SPAG16: variants seen among roughly 807,000 people sequenced by gnomAD.
SPAG16 encodes the protein sperm associated antigen 16.
A neutral mutation model predicts 80.4 loss-of-function variants in SPAG16; 86 were observed. The observed-to-expected ratio is 1.07, with a 90% confidence interval of 0.90 to 1.28. SPAG16 has a LOEUF of 1.28. Among genes scored for constraint, SPAG16 ranks in the 50% most tolerant of loss-of-function variants. The pLI is 0.00. For missense variants in SPAG16, 870 were observed against 765.3 expected, an observed-to-expected ratio of 1.14 and a Z score of -1.61; for synonymous variants, 294 against 265.9, an observed-to-expected ratio of 1.11 and a Z score of -1.03.
chr2:213,415,263 T>C (rs985798725), intron 9 of SPAG16, among the ~76,000 whole-genome samples: 4 of 152,226 alleles, frequency 2.6e-5, no homozygotes, highest in Non-Finnish European at 4.4e-5. Flanking sequence ...CAGGGAAGCA[T>C]GCAAGGAGCA....
At chr2:213,649,800 C>T (rs568452742) in intron 10 of SPAG16, among the ~76,000 whole-genome samples, 4 of 152,108 alleles carry the variant, frequency 2.6e-5, no homozygotes, top group East Asian at 3.9e-4. Flanking sequence ...AGGCTGGTCA[C>T]GAACTCCTGC....
chr2:214,141,659 T>C (rs2055366974), intron 14 of SPAG16, among the ~76,000 whole-genome samples: 2 of 152,164 alleles, frequency 1.3e-5, no homozygotes, highest in African/African-American at 4.8e-5. Context: ...GATATTTAAC[T>C]AAAGCATAGA....
chr2:214,353,302 T>G (rs1698548882), intron 15 of SPAG16, among the ~76,000 whole-genome samples: 1 of 151,818 alleles, frequency 6.6e-6, no homozygotes, highest in Admixed American at 6.6e-5. Flanking sequence ...GGAAAAAAAA[T>G]CGACAGTGAT....
At chr2:214,112,298 G>T (rs2053705644) in intron 14 of SPAG16, among the ~76,000 whole-genome samples, 1 of 152,168 alleles carries the variant, frequency 6.6e-6, no homozygotes, top group South Asian at 2.1e-4. Context: ...TTGATTTGGG[G>T]TGGAGAGTTC....
At chr2:213,999,272 T>A (rs1051651480) in intron 12 of SPAG16, among the ~76,000 whole-genome samples, 2 of 152,198 alleles carry the variant, frequency 1.3e-5, no homozygotes, top group African/African-American at 4.8e-5. Flanking sequence ...CTTTTTGCCC[T>A]GCATCCCAGA....
intron 10 of SPAG16, among the ~76,000 whole-genome samples, chr2:213,588,719 G>A (rs1229198770): frequency 2.1e-5 from 3 of 143,652 alleles, no homozygotes; most frequent in Non-Finnish European, 3.0e-5. Context: ...GGAGAATGGC[G>A]TGAACCCGGG....
At chr2:213,335,192 C>G (rs1414919086) in intron 5 of SPAG16, among the ~76,000 whole-genome samples, 1 of 152,064 alleles carries the variant, frequency 6.6e-6, no homozygotes, top group Non-Finnish European at 1.5e-5. Flanking sequence ...ATGCAAATAA[C>G]AAGACAATTC....
At position 213,575,021 on chromosome 2, in the gene SPAG16, T is replaced by C. The variant is rs10211622; in HGVS notation, c.1070+84931T>C. Among the ~76,000 whole-genome samples, 705 of 152,246 alleles carry C rather than the reference T, an allele frequency of 4.6e-3. 5 individuals carry two copies. The highest frequency in any genetic ancestry group is 0.016 in the African/African-American group (665 of 41,558). ...TCTACTTCTTATTTGTCCTGAAATCTTTCTGCATTGCACCTAACTGGTGAA... is the reference window on the plus strand; with the variant it reads ...TCTACTTCTTATTTGTCCTGAAATCCTTCTGCATTGCACCTAACTGGTGAA... On this transcript the variant is annotated intron_variant, in intron 10 of 15. Coordinates refer to ENST00000331683, the MANE Select transcript of SPAG16 (RefSeq NM_024532.5).
intron 10 of SPAG16, among the ~76,000 whole-genome samples, chr2:213,566,681 C>A (rs1384877221): frequency 6.6e-6 from 1 of 152,268 alleles, no homozygotes; most frequent in South Asian, 2.1e-4. Context: ...ATTTTTGCAA[C>A]ATCTGCATAA....
intron 11 of SPAG16, among the ~76,000 whole-genome samples, chr2:213,888,858 C>G (rs1423413863): frequency 6.6e-6 from 1 of 151,872 alleles, no homozygotes; most frequent in African/African-American, 2.4e-5. Flanking sequence ...CTCACTCCTA[C>G]AAGGGATAAA....
chr2:213,309,731 A>G (rs931317994), intron 3 of SPAG16, among the ~76,000 whole-genome samples: 1 of 152,010 alleles, frequency 6.6e-6, no homozygotes, highest in Non-Finnish European at 1.5e-5. Context: ...TCACATAAAT[A>G]CTTGTCCTAC....
intron 5 of SPAG16, among the ~76,000 whole-genome samples, chr2:213,318,741 C>A (rs2063503985): frequency 6.6e-6 from 1 of 151,930 alleles, no homozygotes; most frequent in South Asian, 2.1e-4. Context: ...TTCCTCAATG[C>A]ATTTATATTA....
At chr2:214,250,757 T>TAG (rs1171199832) in intron 15 of SPAG16, among the ~76,000 whole-genome samples, 998 of 91,224 alleles carry the variant, frequency 0.011, 14 homozygotes, top group East Asian at 0.021. Context: ...TATATATATA[T>TAG]AGAGAGAGAG....
intron 10 of SPAG16, among the ~76,000 whole-genome samples, chr2:213,521,284 A>T (rs62192348): frequency 6.6e-6 from 1 of 152,198 alleles, no homozygotes; most frequent in Non-Finnish European, 1.5e-5. Context: ...TCTCATTCAC[A>T]TTGGACATAT....
chr2:214,352,179 T>C (rs1405549381), intron 15 of SPAG16, among the ~76,000 whole-genome samples: 1 of 152,122 alleles, frequency 6.6e-6, no homozygotes. Flanking sequence ...ACCATCACAT[T>C]GGGCATTATA....
At chr2:213,871,838 TCACACACACA>T (rs1045988177) in intron 11 of SPAG16, among the ~76,000 whole-genome samples, 11 of 101,974 alleles carry the variant, frequency 1.1e-4, no homozygotes, top group African/African-American at 3.4e-4. Context: ...CTCAGGAAAT[TCACACACACA>T]CACACACACA....
chr2:214,117,655 G>A (rs1256022404), intron 14 of SPAG16, among the ~76,000 whole-genome samples: 1 of 152,104 alleles, frequency 6.6e-6, no homozygotes, highest in Non-Finnish European at 1.5e-5. Context: ...AGATCATTCA[G>A]CATCATCAAA....
intron 12 of SPAG16, among the ~76,000 whole-genome samples, chr2:213,977,805 C>A (rs560374899): frequency 6.6e-6 from 1 of 151,990 alleles, no homozygotes; most frequent in South Asian, 2.1e-4. Context: ...TTAAAACTGG[C>A]GATTCTGGTG....
At chr2:213,511,772 C>T (rs1575795214) in intron 10 of SPAG16, among the ~76,000 whole-genome samples, 1 of 152,020 alleles carries the variant, frequency 6.6e-6, no homozygotes, top group South Asian at 2.1e-4. Flanking sequence ...CTTTAAGTGT[C>T]TCATATTCAT....
Sources: gnomAD v4.1 joint callset for allele counts (sites outside exome capture counted in the v4.1 genomes callset) on GRCh38, gnomAD v4.1.1 for gene constraint, MANE v1.5 for transcripts, NCBI Gene and HGNC (gene_info 2026-07-23, HGNC 2026-07-21) for gene names.